MED16: variants seen among roughly 807,000 people sequenced by gnomAD.
MED16 encodes the protein mediator complex subunit 16.
MED16 carries 81 observed loss-of-function variants against 84.4 expected under a neutral mutation model. The ratio of observed to expected loss-of-function variants is 0.96; its 90% CI spans 0.80 to 1.15. MED16 has a LOEUF of 1.15. MED16 is among the 50% of genes most tolerant of loss of function. MED16 has a pLI of 0.00. For synonymous variants in MED16, 897 were observed against 552.2 expected, an observed-to-expected ratio of 1.62 and a Z score of -8.76; for missense variants, 1,585 against 1,245.9, an observed-to-expected ratio of 1.27 and a Z score of -4.10.
At chr19:878,318 GC>G (rs2036314824) in intron 8 of MED16, among the ~76,000 whole-genome samples, 1 of 75,898 alleles carries the variant, frequency 1.3e-5, no homozygotes, top group African/African-American at 5.4e-5. Flanking sequence ...AGCCCCACGT[GC>G]CCCAGCAGCT....
chr19:868,819 C>A, intron 14 of MED16, 44 bp downstream of exon 14: 10 of 1,532,246 alleles, frequency 6.5e-6, no homozygotes, highest in Non-Finnish European at 8.8e-6. Flanking sequence ...GAGCCATCCC[C>A]AGCGGCACAT....
intron 9 of MED16, among the ~76,000 whole-genome samples, chr19:875,942 C>G (rs535996580): frequency 6.6e-6 from 1 of 152,304 alleles, no homozygotes; most frequent in Admixed American, 6.5e-5. Flanking sequence ...GACACCCCAT[C>G]TCTACAAAAA....
In MED16 at chr19:886,019, G is replaced by C; in HGVS notation, c.630C>G (p.Arg210=). The change falls in exon 5 of 16, where the codon CGC becomes CGG. Residue 210 remains arginine (R), a synonymous_variant. Transcript: ENST00000325464. ...CGATGTCGGCCAGGGCCACGCGGCC[G>C]CGCAGCCGGCACAGGCTCTCGGTGG... ...LTSTESLCRL[R]GRVALADIAF... The C allele has an allele frequency of 1.2e-6, 2 of 1,600,774 alleles. No individual in the cohort carries two copies. The highest frequency in any genetic ancestry group is 1.1e-5 in the South Asian group (1 of 90,676).
At chr19:890,927 C>A (rs374864654) in intron 2 of MED16, 36 bp downstream of exon 2, 22 of 1,600,180 alleles carry the variant, frequency 1.4e-5, no homozygotes, top group South Asian at 6.6e-5. Flanking sequence ...GGACACCATG[C>A]GGCCGGGAGG....
At chr19:884,882 C>T (rs1488022089) in intron 6 of MED16, 21 bp downstream of exon 6, 19 of 1,585,858 alleles carry the variant, frequency 1.2e-5, no homozygotes, top group African/African-American at 5.4e-5. Context: ...CCAGGGCCTC[C>T]GCAGCCGGCG....
At position 889,632 on chromosome 19, in the gene MED16, A is replaced by G. The variant is rs758021147; in HGVS notation, c.447+6T>C. 2.5e-6 allele frequency: 4 copies of G among 1,606,378 alleles called. No individual in the cohort carries two copies. Among genetic ancestry groups the G allele is most frequent in the Non-Finnish European group, 1.7e-6 (2 of 1,174,172 alleles). On this transcript the variant is annotated splice_donor_region_variant and intron_variant, in intron 4 of 15. Coordinates refer to ENST00000325464, the MANE Select transcript of MED16 (RefSeq NM_005481.3). ...CCTCATCCGCTCACTCGGGCAGGAC[A>G]CTCACCTTCTCCACGTGCAGGGCCA...
At chr19:876,364 C>G (rs1040655489) in intron 9 of MED16, among the ~76,000 whole-genome samples, 2 of 152,098 alleles carry the variant, frequency 1.3e-5, no homozygotes, top group African/African-American at 2.4e-5. Context: ...GGGCGGGTCT[C>G]TGTGTGTTCA....
intron 6 of MED16, 65 bp from the exon 7 acceptor site, chr19:881,779 G>GAGTCC (rs2036427270): frequency 6.4e-7 from 1 of 1,560,480 alleles, no homozygotes. Flanking sequence ...ACAGCCGCAG[G>GAGTCC]AGTCCAGCAT....
At position 871,131 on chromosome 19, in the gene MED16, G is replaced by T. The variant is rs377113997; in HGVS notation, c.2221C>A (p.Arg741Ser). ...WLPASDGLVS[R>S]LQPKQPLRLQ... ...CGAAGGGGCTGCTTGGGCTGCAGGC[G>T]GCTAACCAGGCCGTCGCTGGCTGGC... The change falls in exon 13 of 16, where the codon CGC becomes AGC. Residue 741 changes from arginine to serine, a missense_variant. Arg to Ser is a moderately radical substitution (Grantham distance 110). Coordinates refer to ENST00000325464, the MANE Select transcript of MED16 (RefSeq NM_005481.3). The T allele has an allele frequency of 1.1e-5, 17 of 1,548,514 alleles. No homozygotes were observed. The highest frequency in any genetic ancestry group is 1.5e-5 in the Non-Finnish European group (17 of 1,145,810).
chr19:880,240 G>GGGGCTGCCCATCCAGGGGGTCAGCCCCC, intron 7 of MED16, 92 bp from the exon 8 acceptor site: 1 of 1,252,736 alleles, frequency 8.0e-7, no homozygotes, highest in Non-Finnish European at 1.1e-6. Flanking sequence ...GTGGAGAGCC[G>GGGGCTGCCCATCCAGGGGGTCAGCCCCC]GGGCTGCCCA....
chr19:872,095 G>A lies in MED16; in HGVS notation c.1929C>T (p.His643=). The change falls in exon 12 of 16, where the codon CAC becomes CAT. Residue 643 remains histidine (H), a synonymous_variant. Transcript: ENST00000325464. ...PNQGSLLRPG[H]SFLRDGTSLG... ...GCGAGGTGCCGTCCCGCAGAAAGCT[G>A]TGGCCCGGCCTCAGCAGGGAACCCT... 1 of 1,608,040 alleles carries A rather than the reference G, an allele frequency of 6.2e-7. No individual in the cohort carries two copies. The highest frequency in any genetic ancestry group is 8.5e-7 in the Non-Finnish European group (1 of 1,177,314).
intron 9 of MED16, among the ~76,000 whole-genome samples, chr19:876,016 G>A (rs2036220806): frequency 1.3e-5 from 2 of 152,162 alleles, no homozygotes; most frequent in African/African-American, 2.4e-5. Flanking sequence ...GGAGGGAGAG[G>A]GCGAGGTCTC....
In MED16 at chr19:886,061, G is replaced by A. The variant is rs761020417; in HGVS notation, c.588C>T (p.Ser196=). The stretch of plus-strand genomic sequence containing the variant: ...TCTCGGTGGACGTCAGCACCTGCCC[G>A]CTGGGCTTCAGCAGGGACACGGTGA... The part of the protein sequence containing the change: ...GLVTVSLLKP[S]GQVLTSTESL... The change falls in exon 5 of 16, where the codon AGC becomes AGT. Residue 196 remains serine, a synonymous_variant. Transcript: ENST00000325464. 5.5e-5 allele frequency: 88 copies of A among 1,592,206 alleles called. No homozygotes were observed. The highest frequency in any genetic ancestry group is 3.2e-4 in the South Asian group (29 of 90,448).
Position 886,196 on chromosome 19 carries a change from G to A in MED16, c.453C>T (p.Gly151=), listed in dbSNP as rs34545691. The change falls in exon 5 of 16, where the codon GGC becomes GGT. Residue 151 remains glycine, a synonymous_variant. Coordinates refer to ENST00000325464, the MANE Select transcript of MED16 (RefSeq NM_005481.3). ...VKLALHVEKS[G]ASSFGEKFSR... is the part of the protein sequence containing the mutation. ...AGAACTTCTCCCCGAAGCTGGAGGC[G>A]CCCGACTGTGGAGAAGGGAGGGAGG... The A allele has an allele frequency of 1.2e-4, 174 of 1,507,152 alleles. No individual in the cohort carries two copies. In the African/African-American group the frequency reaches 1.8e-3, roughly 16 times the overall value. 93.4% of individuals were successfully genotyped at this position (1,507,152 alleles called of 1,614,324 possible).
chr19:885,047 CTG>C (rs2036498531), intron 5 of MED16, 39 bp from the exon 6 acceptor site: 7 of 1,490,876 alleles, frequency 4.7e-6, no homozygotes, highest in Non-Finnish European at 5.5e-6. Context: ...CCCGGCACTG[CTG>C]TGGTGGCCAC....
intron 12 of MED16, 151 bp from the exon 13 acceptor site, chr19:871,404 A>AGGAGCGGGGAG (rs2036050932): frequency 7.6e-7 from 1 of 1,316,970 alleles, no homozygotes; most frequent in African/African-American, 1.5e-5. Context: ...TTCTCTCACC[A>AGGAGCGGGGAG]GGTCGGGGCC....
At position 868,961 on chromosome 19, in the gene MED16, G is replaced by T. The variant is rs563865135; in HGVS notation, c.2316-15C>A. The T allele has an allele frequency of 2.0e-6, 3 of 1,531,006 alleles. No individual in the cohort carries two copies. In the East Asian group the frequency reaches 7.2e-5, roughly 37 times the overall value. The allele number at this position is 1,531,006 out of a possible 1,614,324, so 94.8% of individuals were successfully genotyped here. A position where few individuals can be genotyped will look rare whatever the true frequency, so the allele number is the denominator to read the frequency against. On this transcript the variant is annotated splice_polypyrimidine_tract_variant and intron_variant, in intron 13 of 15. Transcript: ENST00000325464. ...GGCCTGGGGCCCTGGCGGGAGAGGG[G>T]AGAACGTGAGGGAGGCCTGGGCACC...
intron 4 of MED16, 29 bp downstream of exon 4, chr19:889,609 T>C: frequency 6.3e-7 from 1 of 1,588,382 alleles, no homozygotes. Context: ...CTCATCTGCC[T>C]CATCCGCTCA....
intron 11 of MED16, chr19:872,956 C>T (rs2036121343): frequency 1.0e-6 from 1 of 976,630 alleles, no homozygotes; most frequent in South Asian, 2.7e-5. Context: ...TGGGGGAGGG[C>T]TCCGAGGTGG....
Sources: allele counts gnomAD v4.1 joint callset (sites outside exome capture counted in the v4.1 genomes callset), GRCh38; gene constraint gnomAD v4.1.1; transcripts MANE v1.5; gene names NCBI Gene and HGNC (gene_info 2026-07-23, HGNC 2026-07-21).